The following PDZRN4 variants were observed in gnomAD, a reference collection of about 807,000 sequenced individuals.
The protein encoded by PDZRN4 is PDZ domain containing ring finger 4.
PDZRN4 carries 70 observed loss-of-function variants against 99.0 expected under a neutral mutation model. The observed-to-expected ratio is 0.71, with a 90% CI of 0.58 to 0.86. PDZRN4 has a LOEUF of 0.86. PDZRN4 is among the 40% of genes least tolerant of loss of function. The pLI is 0.00. For missense variants in PDZRN4, 1,474 were observed against 1,331.2 expected, an observed-to-expected ratio of 1.11 and a Z score of -1.67; for synonymous variants, 551 against 501.6, an observed-to-expected ratio of 1.10 and a Z score of -1.32.
intron 3 of PDZRN4, among the ~76,000 whole-genome samples, chr12:41,292,551 T>G (rs1383713160): frequency 6.6e-6 from 1 of 152,194 alleles, no homozygotes; most frequent in African/African-American, 2.4e-5. Flanking sequence ...GGTTTGTGCT[T>G]CCTTTTGCCA....
chr12:41,313,269 C>A (rs928614474), intron 3 of PDZRN4, among the ~76,000 whole-genome samples: 1 of 152,160 alleles, frequency 6.6e-6, no homozygotes, highest in Non-Finnish European at 1.5e-5. Flanking sequence ...TCATCTGTTA[C>A]AAAAGATTTA....
chr12:41,201,191 G>A (rs1474527899), intron 3 of PDZRN4, among the ~76,000 whole-genome samples: 1 of 142,452 alleles, frequency 7.0e-6, no homozygotes, highest in Non-Finnish European at 1.5e-5. Flanking sequence ...CTCTACTATC[G>A]TTTCGTGAAA....
At chr12:41,254,499 A>G (rs941035997) in intron 3 of PDZRN4, among the ~76,000 whole-genome samples, 1 of 152,190 alleles carries the variant, frequency 6.6e-6, no homozygotes, top group Non-Finnish European at 1.5e-5. Flanking sequence ...GCGAATGTTG[A>G]TATTTAGTGT....
intron 3 of PDZRN4, among the ~76,000 whole-genome samples, chr12:41,249,799 A>C (rs986375250): frequency 5.9e-5 from 9 of 152,186 alleles, no homozygotes; most frequent in Admixed American, 3.9e-4. Context: ...CAACTGTAGA[A>C]GCTAGTAGGA....
In PDZRN4 at chr12:41,458,294, A is replaced by T. The variant is rs200060925; in HGVS notation, c.844-48162A>T. 5.9e-5 allele frequency among the ~76,000 whole-genome samples: 9 copies of T among 152,232 alleles called. No individual in the cohort carries two copies. The East Asian group carries it at 1.7e-3, about 29-fold the overall frequency. Reference sequence around the variant, plus strand: ...TGTCTCAGCCTCCTGAGTAGCTGGGATTACAGACATGCACCACCATGCCCA... The same window carrying T: ...TGTCTCAGCCTCCTGAGTAGCTGGGTTTACAGACATGCACCACCATGCCCA... On this transcript the variant is annotated intron_variant, in intron 3 of 9. Transcript: ENST00000402685.
At chr12:41,227,910 CACACACACA>C (rs1286814280) in intron 3 of PDZRN4, among the ~76,000 whole-genome samples, 76 of 150,354 alleles carry the variant, frequency 5.1e-4, no homozygotes, top group South Asian at 1.1e-3. Context: ...CACACACACA[CACACACACA>C]CCAGAAGGGT....
At chr12:41,401,332 T>C (rs1057221475) in intron 3 of PDZRN4, among the ~76,000 whole-genome samples, 13 of 152,186 alleles carry the variant, frequency 8.5e-5, no homozygotes, top group Admixed American at 7.2e-4. Flanking sequence ...TTCTCTCCAG[T>C]AGCTCATAAA....
chr12:41,571,356 T>C (rs886661703), intron 9 of PDZRN4, among the ~76,000 whole-genome samples: 43 of 94,672 alleles, frequency 4.5e-4, no homozygotes, highest in African/African-American at 2.0e-3. Flanking sequence ...TCTCTCTCTC[T>C]CTCTCTCTCT....
intron 3 of PDZRN4, among the ~76,000 whole-genome samples, chr12:41,486,389 GA>G (rs1403689445): frequency 2.6e-5 from 4 of 152,072 alleles, no homozygotes; most frequent in African/African-American, 9.7e-5. Context: ...CATAAACCAA[GA>G]TATGTAAACT....
intron 3 of PDZRN4, among the ~76,000 whole-genome samples, chr12:41,250,582 C>T (rs1951162569): frequency 6.6e-6 from 1 of 152,104 alleles, no homozygotes; most frequent in Non-Finnish European, 1.5e-5. Flanking sequence ...ATCTTTTTTA[C>T]ATTATTAACT....
chr12:41,199,226 GT>G lies in PDZRN4; in HGVS notation c.843+5044del, dbSNP rs1950798632. On this transcript the variant is annotated intron_variant, in intron 3 of 9. Coordinates refer to ENST00000402685, the MANE Select transcript of PDZRN4 (RefSeq NM_001164595.2). ...CACCTGTAAATCTGCTGGGCAGTTAGTTTTTTGACAAATTTATGTCTAATTC... is the reference window on the plus strand; with the variant it reads ...CACCTGTAAATCTGCTGGGCAGTTAGTTTTTGACAAATTTATGTCTAATTC... Among the ~76,000 whole-genome samples the G allele has an allele frequency of 2.0e-5, 3 of 152,202 alleles. No homozygotes were observed. In the South Asian group the frequency reaches 6.2e-4, roughly 32 times the overall value.
chr12:41,283,228 A>T (rs1320562296), intron 3 of PDZRN4, among the ~76,000 whole-genome samples: 1 of 152,222 alleles, frequency 6.6e-6, no homozygotes, highest in East Asian at 1.9e-4. Flanking sequence ...AGAGAATATT[A>T]TAACACTTCT....
intron 3 of PDZRN4, among the ~76,000 whole-genome samples, chr12:41,387,027 C>T (rs59108550): frequency 0.017 from 2,519 of 152,084 alleles, 71 homozygotes; most frequent in African/African-American, 0.056. Context: ...CCTGGAAGAC[C>T]ACCTAGGCAA....
chr12:41,416,460 C>A (rs1009853046), intron 3 of PDZRN4, among the ~76,000 whole-genome samples: 1 of 152,056 alleles, frequency 6.6e-6, no homozygotes, highest in Non-Finnish European at 1.5e-5. Context: ...GCCTGGCCAA[C>A]ATGGTGAAAC....
At chr12:41,364,774 G>A (rs1226363827) in intron 3 of PDZRN4, among the ~76,000 whole-genome samples, 3 of 152,048 alleles carry the variant, frequency 2.0e-5, no homozygotes, top group South Asian at 2.1e-4. Flanking sequence ...TATAGGATTC[G>A]TAGTATGGGA....
intron 3 of PDZRN4, among the ~76,000 whole-genome samples, chr12:41,235,905 T>C (rs1951063831): frequency 1.3e-5 from 2 of 152,162 alleles, no homozygotes; most frequent in Non-Finnish European, 2.9e-5. Flanking sequence ...TAACACTCAT[T>C]TTTTTTCATT....
chr12:41,446,589 T>C (rs943762178), intron 3 of PDZRN4, among the ~76,000 whole-genome samples: 5 of 151,858 alleles, frequency 3.3e-5, no homozygotes, highest in Non-Finnish European at 5.9e-5. Context: ...CCAAAAATAA[T>C]GATTCTGCAT....
At chr12:41,319,659 C>A (rs1951661484) in intron 3 of PDZRN4, among the ~76,000 whole-genome samples, 1 of 152,196 alleles carries the variant, frequency 6.6e-6, no homozygotes, top group African/African-American at 2.4e-5. Context: ...ATTCCAAAAT[C>A]AGCCAGGGTT....
intron 5 of PDZRN4, among the ~76,000 whole-genome samples, chr12:41,542,154 T>C (rs1938868581): frequency 6.6e-6 from 1 of 152,142 alleles, no homozygotes; most frequent in Non-Finnish European, 1.5e-5. Flanking sequence ...CAAAAGAAGG[T>C]TGTTAACACT....
Sources: allele counts gnomAD v4.1 joint callset (sites outside exome capture counted in the v4.1 genomes callset), GRCh38; gene constraint gnomAD v4.1.1; transcripts MANE v1.5; gene names NCBI Gene and HGNC (gene_info 2026-07-23, HGNC 2026-07-21).